Variants in GALNT17 observed in about 807,000 individuals in gnomAD.
The protein encoded by GALNT17 is UDP-GalNAc:polypeptide N-acetylgalactosaminyltransferase-like 3.
GALNT17 carries 29 observed loss-of-function variants against 63.7 expected under a neutral mutation model. That is an observed-to-expected ratio of 0.46 (90% CI 0.34 to 0.62). GALNT17 has a LOEUF of 0.62. Ranked by LOEUF, GALNT17 falls within the 20% of genes least tolerant of loss-of-function variation. The pLI, the probability that GALNT17 is intolerant of heterozygous loss-of-function variation, is 0.01. For synonymous variants in GALNT17, 305 were observed against 318.3 expected, an observed-to-expected ratio of 0.96 and a Z score of 0.45; for missense variants, 603 against 799.6, an observed-to-expected ratio of 0.75 and a Z score of 2.97.
chr7:71,677,335 A>T (rs757352532), intron 9 of GALNT17, 29 bp downstream of exon 9: 1 of 1,603,776 alleles, frequency 6.2e-7, no homozygotes, highest in Non-Finnish European at 8.5e-7. Flanking sequence ...CCAGGAAGGA[A>T]GTAATATCAC....
chr7:71,462,416 A>G (rs1377395038), intron 5 of GALNT17, among the ~76,000 whole-genome samples: 1 of 152,226 alleles, frequency 6.6e-6, no homozygotes, highest in African/African-American at 2.4e-5. Context: ...GCTAAGTAGC[A>G]GAGTGACAGG....
chr7:71,238,633 G>A (rs1203029734), intron 1 of GALNT17, among the ~76,000 whole-genome samples: 1 of 152,134 alleles, frequency 6.6e-6, no homozygotes, highest in Non-Finnish European at 1.5e-5. Flanking sequence ...TGTGTGTTCT[G>A]GCTTCCAAGT....
At chr7:71,358,456 G>A (rs1469665757) in intron 2 of GALNT17, among the ~76,000 whole-genome samples, 8 of 152,280 alleles carry the variant, frequency 5.3e-5, no homozygotes, top group Non-Finnish European at 1.0e-4. Flanking sequence ...ACCAGAGCTC[G>A]TTTTCCATAT....
At chr7:71,454,538 C>T (rs899396034) in intron 5 of GALNT17, among the ~76,000 whole-genome samples, 2 of 152,166 alleles carry the variant, frequency 1.3e-5, no homozygotes, top group Non-Finnish European at 2.9e-5. Context: ...CCAGGCCATT[C>T]TGACAGCCTG....
chr7:71,328,324 C>T (rs1263156319), intron 1 of GALNT17, among the ~76,000 whole-genome samples: 1 of 152,166 alleles, frequency 6.6e-6, no homozygotes, highest in Non-Finnish European at 1.5e-5. Flanking sequence ...AATGAATTCT[C>T]GCAGGCCTGG....
Position 71,132,600 on chromosome 7 carries a change from A to C in GALNT17, c.-203A>C. On this transcript the variant is annotated 5_prime_UTR_variant, in exon 1 of 11. An upstream start codon of the reference 5' UTR is lost. Coordinates refer to ENST00000333538, the MANE Select transcript of GALNT17 (RefSeq NM_022479.3). ...GCACTTCTGCAGAGCGAGGACTTCC[A>C]TGTGAGCGATTCCGTTCTCCCCACC... 1 of 561,278 alleles carries C rather than the reference A, an allele frequency of 1.8e-6. No homozygotes were observed. Among genetic ancestry groups the C allele is most frequent in the South Asian group, 2.2e-5 (1 of 45,174 alleles). The allele number at this position is 561,278 out of a possible 1,614,324, so 34.8% of individuals were successfully genotyped here. A position where few individuals can be genotyped will look rare whatever the true frequency, so the allele number is the denominator to read the frequency against.
chr7:71,306,203 G>C, intron 1 of GALNT17, among the ~76,000 whole-genome samples: 1 of 152,310 alleles, frequency 6.6e-6, no homozygotes, highest in East Asian at 1.9e-4. Flanking sequence ...ATGGGTGACA[G>C]AGTGAGATTT....
intron 6 of GALNT17, among the ~76,000 whole-genome samples, chr7:71,660,310 G>A (rs605637): frequency 0.36 from 55,340 of 151,912 alleles, 10,376 homozygotes; most frequent in Non-Finnish European, 0.38. Flanking sequence ...AGCTTGGAGC[G>A]TGCCCTCCTC....
chr7:71,349,024 T>C (rs1213961189), intron 2 of GALNT17, among the ~76,000 whole-genome samples: 1 of 152,222 alleles, frequency 6.6e-6, no homozygotes, highest in Non-Finnish European at 1.5e-5. Flanking sequence ...TTTGCCAAAT[T>C]ATACTCCGAT....
intron 1 of GALNT17, among the ~76,000 whole-genome samples, chr7:71,134,590 G>A (rs1787746642): frequency 6.6e-6 from 1 of 152,160 alleles, no homozygotes; most frequent in African/African-American, 2.4e-5. Context: ...TGGCCTGACT[G>A]TCAGGGTAGC....
At position 71,684,663 on chromosome 7, in the gene GALNT17, C is replaced by T. The variant is rs182113404; in HGVS notation, c.1500+7357C>T. On this transcript the variant is annotated intron_variant, in intron 9 of 10. Coordinates refer to ENST00000333538, the MANE Select transcript of GALNT17 (RefSeq NM_022479.3). ...AAATAGTAACCTCCTCCCATCCCCC[C>T]GACTTTATTTTTTATTTGAGATAGG... 3.2e-3 allele frequency among the ~76,000 whole-genome samples: 485 copies of T among 152,170 alleles called. 1 individual carries two copies. Among genetic ancestry groups the T allele is most frequent in the African/African-American group, 0.011 (463 of 41,522 alleles).
chr7:71,346,026 T>TA (rs35499113), intron 2 of GALNT17, among the ~76,000 whole-genome samples: 3,359 of 127,174 alleles, frequency 0.026, 49 homozygotes, highest in African/African-American at 0.051. Flanking sequence ...TACTAAAAAT[T>TA]AAAAAAAAAA....
At chr7:71,461,254 A>T (rs1787446131) in intron 5 of GALNT17, among the ~76,000 whole-genome samples, 1 of 152,222 alleles carries the variant, frequency 6.6e-6, no homozygotes, top group Non-Finnish European at 1.5e-5. Context: ...AAATGCACAC[A>T]TCACTGTGAA....
chr7:71,657,861 GAT>G, intron 6 of GALNT17, among the ~76,000 whole-genome samples: 1 of 75,630 alleles, frequency 1.3e-5, no homozygotes, highest in Middle Eastern at 6.8e-3. Context: ...TGGATGGATG[GAT>G]GGATGGATGG....
At chr7:71,301,497 TAGAG>T (rs954864747) in intron 1 of GALNT17, among the ~76,000 whole-genome samples, 7 of 150,742 alleles carry the variant, frequency 4.6e-5, no homozygotes, top group Admixed American at 2.0e-4. Flanking sequence ...TAATTATTGA[TAGAG>T]AGGGATTTAC....
chr7:71,495,950 C>G (rs1788086957), intron 5 of GALNT17, among the ~76,000 whole-genome samples: 1 of 152,132 alleles, frequency 6.6e-6, no homozygotes, highest in Non-Finnish European at 1.5e-5. Flanking sequence ...TATTGAGAGT[C>G]CAGCCTGCCA....
intron 2 of GALNT17, among the ~76,000 whole-genome samples, chr7:71,344,869 G>C (rs2707432): frequency 0.65 from 99,210 of 151,992 alleles, 32,795 homozygotes; most frequent in African/African-American, 0.76. Context: ...AATTGGAAAT[G>C]GATGAAGTGG....
At chr7:71,225,208 A>G (rs1194831302) in intron 1 of GALNT17, among the ~76,000 whole-genome samples, 1 of 152,126 alleles carries the variant, frequency 6.6e-6, no homozygotes, top group Non-Finnish European at 1.5e-5. Flanking sequence ...ACCTCAAGTG[A>G]TCTGCCCGCC....
chr7:71,698,139 AAAG>A, intron 9 of GALNT17, among the ~76,000 whole-genome samples: 2 of 150,678 alleles, frequency 1.3e-5, no homozygotes, highest in African/African-American at 2.4e-5. Flanking sequence ...AAAAAAAAAA[AAAG>A]AAAAGAAAAG....
Sources: allele counts gnomAD v4.1 joint callset (sites outside exome capture counted in the v4.1 genomes callset), GRCh38; gene constraint gnomAD v4.1.1; transcripts MANE v1.5; gene names NCBI Gene and HGNC (gene_info 2026-07-23, HGNC 2026-07-21).